The following PTRH1 variants were observed in gnomAD, a reference collection of about 807,000 sequenced individuals.
PTRH1 encodes peptidyl-tRNA hydrolase.
Under a neutral mutation model 15.7 loss-of-function variants are expected in PTRH1, and 13 were observed. The ratio of observed to expected loss-of-function variants is 0.83; its 90% CI spans 0.54 to 1.31. PTRH1 has a LOEUF of 1.31. PTRH1 is among the 40% of genes most tolerant of loss of function. The pLI is 0.00. For synonymous variants in PTRH1, 139 were observed against 136.7 expected, an observed-to-expected ratio of 1.02 and a Z score of -0.12; for missense variants, 319 against 296.2, an observed-to-expected ratio of 1.08 and a Z score of -0.56.
At chr9:127,711,944 C>G (rs769331564), downstream of PTRH1, 2 of 1,605,576 alleles carry the variant, frequency 1.2e-6, no homozygotes, top group Non-Finnish European at 1.7e-6. Flanking sequence ...GATAACCAGG[C>G]ACTGAAGTGC....
downstream of PTRH1, chr9:127,713,146 C>T (rs371740113): frequency 8.7e-5 from 140 of 1,608,446 alleles, no homozygotes; most frequent in African/African-American, 1.6e-3. Context: ...ACCCCCAGGA[C>T]CTCAGGCTGC....
intron 1 of PTRH1, among the ~76,000 whole-genome samples, chr9:127,701,560 C>A (rs1007012758): frequency 6.6e-6 from 1 of 152,172 alleles, no homozygotes; most frequent in African/African-American, 2.4e-5. Flanking sequence ...AGCTGATGAA[C>A]CTGAACGTTC....
chr9:127,711,718 G>C, downstream of PTRH1: 2 of 1,348,596 alleles, frequency 1.5e-6, no homozygotes, highest in Non-Finnish European at 2.0e-6. Flanking sequence ...GCCCTGGAGA[G>C]CTCACTGGCC....
At chr9:127,703,280 T>C (rs759924428) in intron 1 of PTRH1, among the ~76,000 whole-genome samples, 12 of 151,786 alleles carry the variant, frequency 7.9e-5, no homozygotes, top group Non-Finnish European at 1.5e-4. Context: ...ACCTCATCTC[T>C]ACTAAAAATA....
exon 2 of PTRH1, chr9:127,695,124 G>A (rs771924259): frequency 1.9e-5 from 13 of 701,806 alleles, no homozygotes; most frequent in South Asian, 5.9e-5. Context: ...TGCTGTTGAC[G>A]ATGAGTCCAA....
At chr9:127,709,494 T>A, downstream of PTRH1, 1 of 1,613,978 alleles carries the variant, frequency 6.2e-7, no homozygotes, top group Non-Finnish European at 8.5e-7. The surrounding 1 kb of genome is among the most constrained non-coding windows in gnomAD (Gnocchi z 4.7). Context: ...AGCTGGCCAA[T>A]AACAAGAAGG....
At chr9:127,711,988 G>C, downstream of PTRH1, 1 of 1,580,854 alleles carries the variant, frequency 6.3e-7, no homozygotes, top group South Asian at 1.2e-5. Flanking sequence ...GGCGGGTGCA[G>C]GCTGGGGCCA....
At chr9:127,711,604 G>A, downstream of PTRH1, 2 of 1,389,288 alleles carry the variant, frequency 1.4e-6, no homozygotes, top group East Asian at 2.4e-5. Context: ...AGGGAGGGAG[G>A]CAGCAGAGAG....
intron 1 of PTRH1, among the ~76,000 whole-genome samples, chr9:127,700,516 TG>T (rs200332155): frequency 6.6e-6 from 1 of 151,990 alleles, no homozygotes; most frequent in Non-Finnish European, 1.5e-5. Flanking sequence ...CATGATGAGA[TG>T]GGGGGGTCAG....
chr9:127,703,045 C>G (rs1842615892), intron 1 of PTRH1, among the ~76,000 whole-genome samples: 1 of 151,676 alleles, frequency 6.6e-6, no homozygotes, highest in South Asian at 2.1e-4. Context: ...AATAACCAAT[C>G]CACTTTTTGT....
At chr9:127,704,799 GAC>G (rs72258078) in intron 1 of PTRH1, among the ~76,000 whole-genome samples, 5,862 of 152,186 alleles carry the variant, frequency 0.039, 383 homozygotes, top group African/African-American at 0.13. Context: ...CGTGAACAGA[GAC>G]ACTGTGGCAT....
In PTRH1 at chr9:127,705,653, G is replaced by C. The variant is rs1453126471; in HGVS notation, c.205+9782C>G. Among the ~76,000 whole-genome samples, 2 of 152,372 alleles carry C rather than the reference G, an allele frequency of 1.3e-5. No individual in the cohort carries two copies. The highest frequency in any genetic ancestry group is 1.3e-4 in the Admixed American group (2 of 15,314). ...CACGGGGAGGCCCCCGGTCAACTGG[G>C]AGCACTGTGGGAATTTTTGCCTGCC... On this transcript the variant is annotated intron_variant, in intron 1 of 2. Coordinates refer to the PTRH1 transcript ENST00000335223. The surrounding 1 kb of genome is among the most constrained non-coding windows in gnomAD (Gnocchi z 4.7).
intron 1 of PTRH1, chr9:127,707,274 G>A (rs1053228631): frequency 2.0e-6 from 3 of 1,499,670 alleles, no homozygotes; most frequent in African/African-American, 2.8e-5. Context: ...TTTGGCCATG[G>A]GGCCTTAGGC....
Position 127,714,147 on chromosome 9 carries a change from A to G in PTRH1, c.598T>C (p.Leu200=), listed in dbSNP as rs746777512. ...LLLDRATDLI[L]DHIRERSQGP... ...TGGCTTCGCTCACGGATGTGGTCCA[A>G]GATCAGGTCGGTGGCTCGATCCAGC... Residue 200 remains leucine (L), a synonymous_variant, in exon 5 of 5, where the codon TTG becomes CTG. Coordinates refer to ENST00000543175, the MANE Select transcript of PTRH1 (RefSeq NM_001002913.3). The G allele has an allele frequency of 1.2e-5, 20 of 1,613,808 alleles. No homozygotes were observed. In the South Asian group the frequency reaches 2.2e-4, roughly 18 times the overall value.
chr9:127,697,554 G>A (rs1409348729), intron 1 of PTRH1, among the ~76,000 whole-genome samples: 3 of 152,128 alleles, frequency 2.0e-5, no homozygotes, highest in African/African-American at 4.8e-5. Context: ...CCAGCTACTC[G>A]GGAGACTGAG....
In PTRH1 at chr9:127,715,119, G is replaced by A; in HGVS notation, c.172C>T (p.Arg58Trp). Residue 58 changes from arginine to tryptophan, a missense_variant, in exon 2 of 5, where the codon CGG (arginine) becomes TGG (tryptophan). Arg to Trp is a moderately radical substitution (Grantham distance 101, BLOSUM62 -3). Coordinates refer to ENST00000543175, the MANE Select transcript of PTRH1 (RefSeq NM_001002913.3). The surrounding 1 kb of genome is among the most constrained non-coding windows in gnomAD (Gnocchi z 5.8). Reference protein sequence around the residue: ...VGMAVLGQLARRLGVAESWTR... With the variant: ...VGMAVLGQLAWRLGVAESWTR... ...CAACTCTCCGCCACACCCAGCCGCC[G>A]CGCCAGCTGCCCCAGCACCGCCATG... 1 of 1,534,886 alleles carries A rather than the reference G, an allele frequency of 6.5e-7. No homozygotes were observed. The highest frequency in any genetic ancestry group is 2.4e-5 in the East Asian group (1 of 40,910).
At chr9:127,707,349 G>A (rs1004933020) in intron 1 of PTRH1, among the ~76,000 whole-genome samples, 2 of 152,168 alleles carry the variant, frequency 1.3e-5, no homozygotes, top group African/African-American at 4.8e-5. Context: ...TTCCTCATAC[G>A]TACCTTTGGG....
At chr9:127,707,744 C>T (rs888161898) in intron 1 of PTRH1, among the ~76,000 whole-genome samples, 1 of 152,206 alleles carries the variant, frequency 6.6e-6, no homozygotes, top group Non-Finnish European at 1.5e-5. Flanking sequence ...GATCCTCTAA[C>T]TCTTCATTCA....
At position 127,714,088 on chromosome 9, in the gene PTRH1, T is replaced by C. The variant is rs956329857; in HGVS notation, c.*12A>G. 2 of 1,610,340 alleles carry C rather than the reference T, an allele frequency of 1.2e-6. No homozygotes were observed. Among genetic ancestry groups the C allele is most frequent in the Admixed American group, 1.7e-5 (1 of 59,396 alleles). ...GGCACTACAGTCAGGCAGGCAGCCA[T>C]GGCCACTAGTGTCACGGCCCCAGTG... On this transcript the variant is annotated 3_prime_UTR_variant, in exon 5 of 5. Coordinates refer to ENST00000543175, the MANE Select transcript of PTRH1 (RefSeq NM_001002913.3).
Sources: allele counts gnomAD v4.1 joint callset (sites outside exome capture counted in the v4.1 genomes callset), GRCh38; gene constraint gnomAD v4.1.1; non-coding constraint Gnocchi (gnomAD v3.1); transcripts MANE v1.5; gene names NCBI Gene and HGNC (gene_info 2026-07-23, HGNC 2026-07-21).